Variants in ACSL4 observed in about 807,000 individuals in gnomAD.
The protein encoded by ACSL4 is acyl-CoA synthetase long chain family member 4, also known as long-chain-fatty-acid--CoA ligase 4.
A neutral mutation model predicts 49.1 loss-of-function variants in ACSL4; 9 were observed. The ratio of observed to expected loss-of-function variants is 0.18; its 90% CI spans 0.11 to 0.32. The LOEUF is 0.32. Ranked by LOEUF, ACSL4 falls within the 10% of genes least tolerant of loss-of-function variation. The pLI, the probability that ACSL4 is intolerant of heterozygous loss-of-function variation, is 1.00. For synonymous variants in ACSL4, 191 were observed against 170.3 expected (o/e 1.12, Z -0.95); for missense variants, 333 against 493.7 (o/e 0.67, Z 3.08).
chrX:109,677,864 A>T, intron 8 of ACSL4, 124 bp downstream of exon 8: 1 of 912,184 alleles, frequency 1.1e-6, no homozygotes, highest in South Asian at 2.0e-5. Flanking sequence ...TTGTTCATGG[A>T]AGCTATTTTG....
At chrX:109,694,496 G>A (rs1214334630) in intron 2 of ACSL4, among the ~76,000 whole-genome samples, 1 of 111,466 alleles carries the variant, frequency 9.0e-6, no homozygotes, top group East Asian at 2.8e-4. Flanking sequence ...AGCAAAAAAT[G>A]TAAAAGAAAG....
intron 2 of ACSL4, among the ~76,000 whole-genome samples, chrX:109,695,430 C>T (rs895964789): frequency 9.2e-6 from 1 of 109,256 alleles, no homozygotes; most frequent in African/African-American, 3.3e-5. Flanking sequence ...AATAATGAAC[C>T]ACTGAGGACG....
chrX:109,687,563 CAG>C (rs1390112848), intron 2 of ACSL4, among the ~76,000 whole-genome samples: 1 of 111,338 alleles, frequency 9.0e-6, no homozygotes, highest in Non-Finnish European at 1.9e-5. Context: ...ACATCACACA[CAG>C]GGGCCTGTCA....
intron 2 of ACSL4, among the ~76,000 whole-genome samples, chrX:109,695,022 G>C (rs188856466): frequency 6.3e-5 from 7 of 111,001 alleles, no homozygotes; most frequent in Non-Finnish European, 1.3e-4. Flanking sequence ...AATAAGCTTC[G>C]GCACAAGTAT....
intron 1 of ACSL4, among the ~76,000 whole-genome samples, chrX:109,729,652 CAATAAATA>C (rs980728960): frequency 9.0e-6 from 1 of 111,391 alleles, no homozygotes; most frequent in Non-Finnish European, 1.9e-5. Context: ...TCAAAATAGG[CAATAAATA>C]AATAAATAAA....
chrX:109,727,025 T>C (rs932072278), intron 1 of ACSL4, among the ~76,000 whole-genome samples: 3 of 111,447 alleles, frequency 2.7e-5, no homozygotes, highest in African/African-American at 9.8e-5. Context: ...CCATCACTTG[T>C]CTTTTTAACT....
intron 2 of ACSL4, among the ~76,000 whole-genome samples, chrX:109,693,627 C>T (rs1419491563): frequency 8.9e-6 from 1 of 112,193 alleles, no homozygotes; most frequent in African/African-American, 3.2e-5. Context: ...TGTTCTCTCC[C>T]TCCACATTCA....
At chrX:109,712,052 T>C (rs1349162133) in intron 1 of ACSL4, among the ~76,000 whole-genome samples, 8 of 111,984 alleles carry the variant, frequency 7.1e-5, no homozygotes, top group Non-Finnish European at 1.3e-4. Context: ...TTGAAATACA[T>C]AGGAGGGCCT....
intron 5 of ACSL4, 27 bp from the exon 6 acceptor site, chrX:109,681,163 G>A (rs1924135081): frequency 2.5e-6 from 3 of 1,208,012 alleles, no homozygotes; most frequent in East Asian, 5.9e-5. Context: ...AAAAAAAACA[G>A]CTATTAAACT....
intron 15 of ACSL4, among the ~76,000 whole-genome samples, chrX:109,649,589 A>T (rs1486164434): frequency 9.0e-6 from 1 of 111,015 alleles, no homozygotes; most frequent in African/African-American, 3.3e-5. Flanking sequence ...GAAAACCTAG[A>T]CATTACCATT....
At chrX:109,661,769 G>A (rs1015447665) in intron 13 of ACSL4, 124 bp from the exon 14 acceptor site, 14 of 528,026 alleles carry the variant, frequency 2.7e-5, no homozygotes, top group Middle Eastern at 5.4e-4. Flanking sequence ...TTATTATTAG[G>A]TTGGTGCAAA....
intron 11 of ACSL4, among the ~76,000 whole-genome samples, chrX:109,665,939 A>G (rs774180327): frequency 2.7e-5 from 3 of 112,326 alleles, no homozygotes; most frequent in Non-Finnish European, 5.6e-5. Flanking sequence ...GAGATGATAC[A>G]TGGACAATGC....
intron 1 of ACSL4, among the ~76,000 whole-genome samples, chrX:109,703,742 G>A (rs980836698): frequency 1.8e-4 from 20 of 111,478 alleles, no homozygotes; most frequent in African/African-American, 6.5e-4. Flanking sequence ...GGTCAGCCTG[G>A]CCAACATGGT....
intron 11 of ACSL4, among the ~76,000 whole-genome samples, chrX:109,667,557 A>G (rs1922772825): frequency 8.9e-6 from 1 of 112,479 alleles, no homozygotes; most frequent in Admixed American, 9.4e-5. Flanking sequence ...AGAAGACTAA[A>G]GGACCAGGGT....
chrX:109,716,602 G>C (rs1470273695), intron 1 of ACSL4, among the ~76,000 whole-genome samples: 2 of 112,271 alleles, frequency 1.8e-5, no homozygotes, highest in Admixed American at 9.4e-5. Context: ...TGTAAAGTTT[G>C]GAATGGGTTA....
At chrX:109,685,087 T>A (rs1184038581) in intron 2 of ACSL4, among the ~76,000 whole-genome samples, 2 of 105,722 alleles carry the variant, frequency 1.9e-5, no homozygotes, top group East Asian at 6.2e-4. Flanking sequence ...TTCTTTTCTT[T>A]CTTTTTTTTT....
At chrX:109,726,496 T>A (rs1463683739) in intron 1 of ACSL4, among the ~76,000 whole-genome samples, 3 of 111,391 alleles carry the variant, frequency 2.7e-5, no homozygotes, top group African/African-American at 9.8e-5. Flanking sequence ...AGTAAAAAAA[T>A]TTACTGTACT....
chrX:109,661,664 T>C lies in ACSL4; in HGVS notation c.1583-19A>G, dbSNP rs1447068619. 1.9e-6 allele frequency: 2 copies of C among 1,067,977 alleles called. No individual in the cohort carries two copies. Among genetic ancestry groups the C allele is most frequent in the Non-Finnish European group, 2.6e-6 (2 of 765,136 alleles). 88.0% of individuals were successfully genotyped at this position (1,067,977 alleles called of 1,213,427 possible). A position where few individuals can be genotyped will look rare whatever the true frequency, so the allele number is the denominator to read the frequency against. On this transcript the variant is annotated intron_variant, in intron 13 of 15. Transcript: ENST00000672401. ...TTACGATCTGTTAAGTCATAAAGAATGTTAAGTCTGTTTAACTAAGGTATA... is the reference window on the plus strand; with the variant it reads ...TTACGATCTGTTAAGTCATAAAGAACGTTAAGTCTGTTTAACTAAGGTATA...
At chrX:109,710,364 G>A (rs1326096235) in intron 1 of ACSL4, among the ~76,000 whole-genome samples, 1 of 111,904 alleles carries the variant, frequency 8.9e-6, no homozygotes, top group Non-Finnish European at 1.9e-5. Flanking sequence ...CATATACGAC[G>A]GGCAAGTAAA....
Sources: allele counts gnomAD v4.1 joint callset (sites outside exome capture counted in the v4.1 genomes callset), GRCh38; gene constraint gnomAD v4.1.1; transcripts MANE v1.5; gene names NCBI Gene and HGNC (gene_info 2026-07-23, HGNC 2026-07-21).